LLGL2: variants seen among roughly 807,000 people sequenced by gnomAD.
LLGL2 encodes the protein LLGL scribble cell polarity complex component 2.
In LLGL2, 81 loss-of-function variants were observed where a neutral mutation model predicts 123.2. The observed-to-expected ratio is 0.66, with a 90% CI of 0.55 to 0.79. The LOEUF (loss-of-function observed/expected upper bound fraction) is 0.79, where lower values mean the gene tolerates loss of function less well. LLGL2 is among the 30% of genes least tolerant of loss of function. The probability of loss-of-function intolerance (pLI) is 0.00; values close to 1 mark genes in which losing one functional copy is unlikely to be tolerated. For synonymous variants in LLGL2, 577 were observed against 594.1 expected, an observed-to-expected ratio of 0.97 and a Z score of 0.42; for missense variants, 1,273 against 1,414.6, an observed-to-expected ratio of 0.90 and a Z score of 1.61.
chr17:75,556,228 G>C (rs570259692), intron 3 of LLGL2, 85 bp downstream of exon 3: 14 of 1,049,582 alleles, frequency 1.3e-5, no homozygotes, highest in Non-Finnish European at 2.0e-5. Flanking sequence ...TTCCTTGCCC[G>C]TGGGCTGTTG....
chr17:75,572,105 G>A, intron 19 of LLGL2, 41 bp downstream of exon 19: 3 of 1,584,812 alleles, frequency 1.9e-6, no homozygotes, highest in Non-Finnish European at 1.7e-6. Context: ...GGACTCCCCG[G>A]GACATCCAGG....
chr17:75,538,090 C>T (rs62088535), intron 1 of LLGL2, among the ~76,000 whole-genome samples: 22,851 of 152,140 alleles, frequency 0.15, 2,124 homozygotes, highest in African/African-American at 0.25. Context: ...GGATTACAGG[C>T]GTGAGCCACC....
chr17:75,569,435 T>C, intron 14 of LLGL2, 110 bp downstream of exon 14: 1 of 869,626 alleles, frequency 1.1e-6, no homozygotes. Flanking sequence ...TCCTTTGCTT[T>C]TCCGGTGGAT....
rs1394142031 is a variant in LLGL2 at position 75,558,622 on chromosome 17, C to T, written c.366C>T (p.Pro122=). 1.2e-6 allele frequency: 2 copies of T among 1,600,782 alleles called. No individual in the cohort carries two copies. The highest frequency in any genetic ancestry group is 1.1e-5 in the South Asian group (1 of 88,666). The part of the protein sequence containing the change: ...QEDESFTLRG[P]PGAAPSATQI... ...ATGAGAGCTTCACACTGCGTGGACC[C>T]CCAGGGTAAGGGCTCAATCCCCAGC... Residue 122 remains proline (P), a synonymous_variant, in exon 5 of 26, where the codon CCC becomes CCT. Transcript: ENST00000392550. This position sits in a 1 kb window ranked among gnomAD's most constrained non-coding sequence, Gnocchi z 4.0.
rs187200960 is a variant in LLGL2, at chr17:75,543,572, C to T, written c.75+71C>T. 100 of 1,257,798 alleles carry T rather than the reference C, an allele frequency of 8.0e-5. No homozygotes were observed. In the Admixed American group the frequency reaches 1.1e-3, roughly 14 times the overall value. 77.9% of individuals were successfully genotyped at this position (1,257,798 alleles called of 1,614,324 possible). On this transcript the variant is annotated intron_variant, in intron 2 of 25. Coordinates refer to ENST00000392550, the MANE Select transcript of LLGL2 (RefSeq NM_001031803.2). ...AGCAGCTCAGGCTGGGGCTGAGGCA[C>T]CTCTTACCTGGATTAAGGTATAGCT...
intron 2 of LLGL2, chr17:75,546,174 A>G (rs1304286647): frequency 6.6e-6 from 1 of 152,392 alleles, no homozygotes; most frequent in Non-Finnish European, 1.5e-5. Context: ...TGACCTGGGT[A>G]GGTGGTGGTG....
At chr17:75,526,370 G>A (rs1158791016) in intron 1 of LLGL2, among the ~76,000 whole-genome samples, 1 of 152,252 alleles carries the variant, frequency 6.6e-6, no homozygotes, top group Non-Finnish European at 1.5e-5. Context: ...TTCTCCAGCT[G>A]GGGCGGCTTT....
At chr17:75,545,720 G>A (rs145247724) in intron 2 of LLGL2, among the ~76,000 whole-genome samples, 2 of 152,310 alleles carry the variant, frequency 1.3e-5, no homozygotes, top group Non-Finnish European at 2.9e-5. Flanking sequence ...AGATAAACCT[G>A]GAGATGTTTT....
At chr17:75,569,819 A>AAT in intron 14 of LLGL2, 144 bp from the exon 15 acceptor site, 1 of 747,642 alleles carries the variant, frequency 1.3e-6, no homozygotes, top group Non-Finnish European at 2.0e-6. Flanking sequence ...AAAAAAAAAA[A>AAT]TGCAGGAGAG....
chr17:75,541,299 A>C (rs1278874520), intron 1 of LLGL2, among the ~76,000 whole-genome samples: 3 of 152,228 alleles, frequency 2.0e-5, no homozygotes, highest in Non-Finnish European at 4.4e-5. Context: ...CTTCTGACCC[A>C]GTGACCTTGG....
intron 2 of LLGL2, among the ~76,000 whole-genome samples, chr17:75,554,698 G>T (rs1173356337): frequency 2.6e-5 from 4 of 151,356 alleles, no homozygotes; most frequent in Non-Finnish European, 5.9e-5. Flanking sequence ...GACCATCCTG[G>T]CTAACACAGT....
chr17:75,547,197 T>G (rs1237668787), intron 2 of LLGL2, among the ~76,000 whole-genome samples: 1 of 152,186 alleles, frequency 6.6e-6, no homozygotes, highest in African/African-American at 2.4e-5. Context: ...GGGAGACGTC[T>G]TGTTTCTTTG....
chr17:75,538,809 G>A (rs2054101638), intron 1 of LLGL2, among the ~76,000 whole-genome samples: 1 of 152,282 alleles, frequency 6.6e-6, no homozygotes, highest in South Asian at 2.1e-4. Context: ...AACAGGGAAC[G>A]CACAGGCTCT....
rs747050547 is a variant in LLGL2 at position 75,569,105 on chromosome 17, G to A, written c.1450G>A (p.Glu484Lys). ...CAACGAGAACTTCAGTGCCCAGGGCGAGGACGAGTGGCCCCCACTCCGCAA... is the reference window on the plus strand; with the variant it reads ...CAACGAGAACTTCAGTGCCCAGGGCAAGGACGAGTGGCCCCCACTCCGCAA... ...DPNENFSAQG[E>K]DEWPPLRKVG... is the part of the protein sequence containing the mutation. The change falls in exon 13 of 26, where the codon GAG becomes AAG. Residue 484 changes from glutamate to lysine, a missense_variant. Physicochemically the swap from Glu to Lys is moderately conservative, Grantham distance 56. Transcript: ENST00000392550. 3 of 1,613,294 alleles carry A rather than the reference G, an allele frequency of 1.9e-6. No homozygotes were observed. Among genetic ancestry groups the A allele is most frequent in the African/African-American group, 2.7e-5 (2 of 74,926 alleles).
Position 75,539,024 on chromosome 17 carries a change from C to G in LLGL2, c.-30-4373C>G, listed in dbSNP as rs530951153. On this transcript the variant is annotated intron_variant, in intron 1 of 25. Coordinates refer to ENST00000392550, the MANE Select transcript of LLGL2 (RefSeq NM_001031803.2). ...CTTCCCGCCTCAGCCTCCCAAGTAG[C>G]TGGGACCACAGGTGCTTGACACCAT... Among the ~76,000 whole-genome samples, 3 of 152,218 alleles carry G rather than the reference C, an allele frequency of 2.0e-5. 1 individual carries two copies. The highest frequency in any genetic ancestry group is 7.2e-5 in the African/African-American group (3 of 41,522).
At chr17:75,555,313 G>A (rs1480311419) in intron 2 of LLGL2, among the ~76,000 whole-genome samples, 4 of 149,470 alleles carry the variant, frequency 2.7e-5, no homozygotes, top group African/African-American at 4.9e-5. Context: ...TTTTTGAGAC[G>A]GAGTCTCGCT....
intron 6 of LLGL2, among the ~76,000 whole-genome samples, chr17:75,560,126 C>T (rs1160171986): frequency 6.6e-6 from 1 of 152,190 alleles, no homozygotes; most frequent in African/African-American, 2.4e-5. Flanking sequence ...GCTGGCCAGC[C>T]CAGCTCTCCA....
chr17:75,536,369 G>A (rs2054001588), intron 1 of LLGL2, among the ~76,000 whole-genome samples: 3 of 152,158 alleles, frequency 2.0e-5, no homozygotes, highest in Admixed American at 2.0e-4. Flanking sequence ...CCCGCTCCCT[G>A]GCCCTGCTTT....
chr17:75,559,633 C>A lies in LLGL2; in HGVS notation c.530+223C>A, dbSNP rs1037313742. On this transcript the variant is annotated intron_variant, in intron 6 of 25. Coordinates refer to ENST00000392550, the MANE Select transcript of LLGL2 (RefSeq NM_001031803.2). The surrounding 1 kb of genome is among the most constrained non-coding windows in gnomAD (Gnocchi z 4.6). ...TAAAAAGGGGGCTTTGAGGGTCCCT[C>A]GTCTAAAGGCCCCAAATGACTGTGT... is the stretch of plus-strand genomic sequence containing the variant. 6.6e-6 allele frequency among the ~76,000 whole-genome samples: 1 copy of A among 152,194 alleles called. No individual in the cohort carries two copies. The highest frequency in any genetic ancestry group is 1.5e-5 in the Non-Finnish European group (1 of 68,036).
Sources: gnomAD v4.1 joint callset for allele counts (sites outside exome capture counted in the v4.1 genomes callset) on GRCh38, gnomAD v4.1.1 for gene constraint, Gnocchi (gnomAD v3.1) non-coding constraint, MANE v1.5 for transcripts, NCBI Gene and HGNC (gene_info 2026-07-23, HGNC 2026-07-21) for gene names.